Variants in ASPM observed in about 807,000 individuals in gnomAD.
The protein encoded by ASPM is assembly factor for spindle microtubules.
Under a neutral mutation model 366.4 loss-of-function variants are expected in ASPM, and 256 were observed. The observed-to-expected ratio is 0.70, with a 90% CI of 0.63 to 0.77. The LOEUF (loss-of-function observed/expected upper bound fraction) is 0.77, where lower values mean the gene tolerates loss of function less well. Among genes scored for constraint, ASPM ranks in the 30% least tolerant of loss-of-function variants. The pLI, the probability that ASPM is intolerant of heterozygous loss-of-function variation, is 0.00. For missense variants in ASPM, 4,146 were observed against 4,090.4 expected, an observed-to-expected ratio of 1.01 and a Z score of -0.37; for synonymous variants, 1,414 against 1,342.9, an observed-to-expected ratio of 1.05 and a Z score of -1.16.
rs375539706 is a variant in ASPM, at chr1:197,144,468, T to C, written c.298-368A>G. Among the ~76,000 whole-genome samples, 8 of 152,350 alleles carry C rather than the reference T, an allele frequency of 5.3e-5. No individual in the cohort carries two copies. In the South Asian group the frequency reaches 6.2e-4, roughly 12 times the overall value. On this transcript the variant is annotated intron_variant, in intron 1 of 27. Coordinates refer to ENST00000367409, the MANE Select transcript of ASPM (RefSeq NM_018136.5). ...CAAGGACCCTGCATTATGAAGACTTTATTTAAAAAGAAATGTAAAGATGAT... is the reference window on the plus strand; with the variant it reads ...CAAGGACCCTGCATTATGAAGACTTCATTTAAAAAGAAATGTAAAGATGAT...
rs1349742074 is a variant in ASPM at position 197,101,928 on chromosome 1, A to G, written c.7323T>C (p.Tyr2441=). The G allele has an allele frequency of 1.9e-6, 3 of 1,612,624 alleles. No individual in the cohort carries two copies. Among genetic ancestry groups the G allele is most frequent in the Admixed American group, 1.7e-5 (1 of 59,780 alleles). Residue 2441 remains tyrosine (Y), a synonymous_variant, in exon 18 of 28, where the codon TAT becomes TAC. Coordinates refer to ENST00000367409, the MANE Select transcript of ASPM (RefSeq NM_018136.5). ...TATGTTTGGCACAAATGGTGGCTCG[A>G]TATTTCCTCTGAACAAAAATAGTAG... ...KKATIFVQRK[Y]RATICAKHKL...
In ASPM at chr1:197,101,017, A is replaced by G; in HGVS notation, c.8234T>C (p.Ile2745Thr). 1 of 1,612,378 alleles carries G rather than the reference A, an allele frequency of 6.2e-7. No homozygotes were observed. The change falls in exon 18 of 28, where the codon ATT becomes ACT. Residue 2745 changes from isoleucine (I) to threonine (T), a missense_variant. By Grantham distance (89) the Ile-to-Thr change is moderately conservative. Coordinates refer to ENST00000367409, the MANE Select transcript of ASPM (RefSeq NM_018136.5). ...TTTCATGCCTCTAAAAGCAGCCTGA[A>G]TAGTTCGTACAGATTTCTGAACTGC... is the stretch of plus-strand genomic sequence containing the variant. ...FLAVQKSVRT[I>T]QAAFRGMKVR...
At chr1:197,110,337 A>C (rs1447389997) in intron 17 of ASPM, among the ~76,000 whole-genome samples, 1 of 152,092 alleles carries the variant, frequency 6.6e-6, no homozygotes, top group Non-Finnish European at 1.5e-5. Context: ...TTTTACAGCA[A>C]ATAGTGTTGG....
intron 17 of ASPM, among the ~76,000 whole-genome samples, chr1:197,112,189 T>C (rs1657606686): frequency 6.6e-6 from 1 of 152,134 alleles, no homozygotes; most frequent in African/African-American, 2.4e-5. Flanking sequence ...CAAGAAAGAA[T>C]GAAATCACGT....
In ASPM at chr1:197,103,832, A is replaced by T; in HGVS notation, c.5419T>A (p.Cys1807Ser). Residue 1807 changes from cysteine (C) to serine (S), a missense_variant, in exon 18 of 28, where the codon TGC (cysteine) becomes AGC (serine). This residue lies in a region of ASPM where 3,624 missense variants were observed against 3,591.7 expected (regional missense o/e 1.01). Coordinates refer to ENST00000367409, the MANE Select transcript of ASPM (RefSeq NM_018136.5). ...TAACCTCTGTAAGCTGCTTGCAAGC[A>T]AGTAGCTGCTTTTTTGACTTGCAAG... is the stretch of plus-strand genomic sequence containing the variant. ...NFLQVKKAATCLQAAYRGYKV... is the reference protein window; with the variant it reads ...NFLQVKKAATSLQAAYRGYKV... 6.2e-7 allele frequency: 1 copy of T among 1,613,012 alleles called. No homozygotes were observed. The highest frequency in any genetic ancestry group is 2.2e-5 in the East Asian group (1 of 44,830).
rs762304663 is a variant in ASPM, at chr1:197,143,185, G to A, written c.1067C>T (p.Thr356Ile). Residue 356 changes from threonine to isoleucine, a missense_variant, in exon 3 of 28, where the codon ACA becomes ATA. By Grantham distance (89) the Thr-to-Ile change is moderately conservative. This residue lies in a region of ASPM where 512 missense variants were observed against 471.7 expected (regional missense o/e 1.09). Transcript: ENST00000367409. Reference protein sequence around the residue: ...DNSQPVHLESTIAHEIYQKIL... With the variant: ...DNSQPVHLESIIAHEIYQKIL... ...TTTCTGATAAATTTCATGTGCAATT[G>A]TTGATTCCAAATGCACAGGCTGTGA... is the stretch of plus-strand genomic sequence containing the variant. 6.2e-7 allele frequency: 1 copy of A among 1,613,552 alleles called. No homozygotes were observed. The highest frequency in any genetic ancestry group is 8.5e-7 in the Non-Finnish European group (1 of 1,179,674).
At chr1:197,136,851 GAAAC>G (rs1658433903) in intron 4 of ASPM, among the ~76,000 whole-genome samples, 2 of 152,120 alleles carry the variant, frequency 1.3e-5, no homozygotes, top group South Asian at 4.1e-4. Context: ...AGTTATATGG[GAAAC>G]AAACACTAAT....
In ASPM at chr1:197,103,278, T is replaced by C; in HGVS notation, c.5973A>G (p.Lys1991=). The C allele has an allele frequency of 1.2e-6, 2 of 1,613,100 alleles. No homozygotes were observed. Among genetic ancestry groups the C allele is most frequent in the Non-Finnish European group, 1.7e-6 (2 of 1,179,466 alleles). ...YRMHVQQKKW[K]IMKKAALLIQ... is the part of the protein sequence containing the mutation. ...TCAGAAGAGCAGCTTTTTTCATGAT[T>C]TTCCACTTCTTTTGTTGCACATGCA... is the stretch of plus-strand genomic sequence containing the variant. Residue 1991 remains lysine, a synonymous_variant, in exon 18 of 28, where the codon AAA becomes AAG. Transcript: ENST00000367409.
chr1:197,104,722 C>T lies in ASPM; in HGVS notation c.4529G>A (p.Arg1510Lys), dbSNP rs2125096578. 1 of 1,609,930 alleles carries T rather than the reference C, an allele frequency of 6.2e-7. No homozygotes were observed. The highest frequency in any genetic ancestry group is 8.5e-7 in the Non-Finnish European group (1 of 1,178,480). The change falls in exon 18 of 28, where the codon AGA becomes AAA. Residue 1510 changes from arginine (R) to lysine (K), a missense_variant. Physicochemically the swap from Arg to Lys is conservative, Grantham distance 26. Transcript: ENST00000367409. ...CTGGATGGTTAGTATGGACTCTTTT[C>T]TTCTTTTATATAACTTTTGGGCTTG... ...CFQAQKLYKR[R>K]KESILTIQKY...
intron 18 of ASPM, among the ~76,000 whole-genome samples, chr1:197,096,944 T>C (rs3891964): frequency 0.76 from 115,655 of 151,682 alleles, 48,382 homozygotes; most frequent in East Asian, 0.98. Flanking sequence ...CTTGTTAGCA[T>C]ATAGCTGTTA....
rs373818179 is a variant in ASPM, at chr1:197,102,416, T to C, written c.6835A>G (p.Arg2279Gly). 13 of 1,612,616 alleles carry C rather than the reference T, an allele frequency of 8.1e-6. No homozygotes were observed. Among genetic ancestry groups the C allele is most frequent in the Non-Finnish European group, 1.1e-5 (13 of 1,179,280 alleles). The change falls in exon 18 of 28, where the codon AGA becomes GGA. Residue 2279 changes from arginine to glycine, a missense_variant. Physicochemically the swap from Arg to Gly is moderately radical, Grantham distance 125 (BLOSUM62 -2). This residue lies in a region of ASPM where 3,624 missense variants were observed against 3,591.7 expected (regional missense o/e 1.01). Coordinates refer to ENST00000367409, the MANE Select transcript of ASPM (RefSeq NM_018136.5). ...IQRRFRTLMM[R>G]RRFLSLKKTA... ...TTCTTGAGAGAGAGGAATCTTCTTC[T>C]CATCATTAGAGTTCTAAATCTCCTC...
In ASPM at chr1:197,121,994, C is replaced by A; in HGVS notation, c.3791G>T (p.Arg1264Leu). ...SFLCARLLDL[R>L]KEIRAARLIQ... ...GAGTCGAGCAGCTCTTATTTCTTTA[C>A]GAAGATCCAAAAGCCTTGCACAAAG... The change falls in exon 16 of 28, where the codon CGT (arginine) becomes CTT (leucine). Residue 1264 changes from arginine (R) to leucine (L), a missense_variant. Arg to Leu is a moderately radical substitution (Grantham distance 102). Transcript: ENST00000367409. 6.2e-7 allele frequency: 1 copy of A among 1,611,622 alleles called. No homozygotes were observed. The highest frequency in any genetic ancestry group is 8.5e-7 in the Non-Finnish European group (1 of 1,178,334).
chr1:197,105,234 T>C (rs755496876), intron 17 of ASPM, 49 bp from the exon 18 acceptor site: 20 of 1,387,280 alleles, frequency 1.4e-5, no homozygotes, highest in Non-Finnish European at 1.8e-5. Context: ...TAGCTTTCTA[T>C]ATTTAACACT....
chr1:197,102,300 T>G lies in ASPM; in HGVS notation c.6951A>C (p.Lys2317Asn). The change falls in exon 18 of 28, where the codon AAA (lysine) becomes AAC (asparagine). Residue 2317 changes from lysine (K) to asparagine (N), a missense_variant. Physicochemically the swap from Lys to Asn is moderately conservative, Grantham distance 94. Around this residue, in one of 3 missense-constraint regions of ASPM, gnomAD observed 3,624 missense variants for 3,591.7 expected, o/e 1.01. Coordinates refer to ENST00000367409, the MANE Select transcript of ASPM (RefSeq NM_018136.5). ...QFLQVQNAVI[K>N]IQSSYRRWMI... ...TCCATCTTCTGTATGATGACTGGAT[T>G]TTAATAACTGCATTTTGTACCTGAA... 1 of 1,612,758 alleles carries G rather than the reference T, an allele frequency of 6.2e-7. No individual in the cohort carries two copies.
chr1:197,109,612 T>C (rs1439464134), intron 17 of ASPM, among the ~76,000 whole-genome samples: 1 of 151,770 alleles, frequency 6.6e-6, no homozygotes, highest in African/African-American at 2.4e-5. Flanking sequence ...TCTTAGCCAA[T>C]AAAATAAGTG....
Position 197,122,318 on chromosome 1 carries a change from A to C in ASPM, c.3599-17T>G. On this transcript the variant is annotated splice_polypyrimidine_tract_variant and intron_variant, in intron 14 of 27. Coordinates refer to ENST00000367409, the MANE Select transcript of ASPM (RefSeq NM_018136.5). ...AAGTATTTTCTATTATGCAGGAGGA[A>C]AGGAGAAATTAGCCGTAGCTTCAAA... The C allele has an allele frequency of 1.2e-6, 2 of 1,613,742 alleles. No homozygotes were observed. The highest frequency in any genetic ancestry group is 8.5e-7 in the Non-Finnish European group (1 of 1,179,716).
rs562043376 is a variant in ASPM, at chr1:197,101,027, C to G, written c.8224G>C (p.Val2742Leu). Residue 2742 changes from valine (V) to leucine (L), a missense_variant, in exon 18 of 28, where the codon GTA (valine) becomes CTA (leucine). Coordinates refer to ENST00000367409, the MANE Select transcript of ASPM (RefSeq NM_018136.5). ...RKNFLAVQKS[V>L]RTIQAAFRGM... ...CTAAAAGCAGCCTGAATAGTTCGTA[C>G]AGATTTCTGAACTGCTAAAAAGTTT... 1.2e-6 allele frequency: 2 copies of G among 1,612,094 alleles called. No homozygotes were observed. Among genetic ancestry groups the G allele is most frequent in the African/African-American group, 1.3e-5 (1 of 74,772 alleles).
intron 1 of ASPM, 56 bp from the exon 2 acceptor site, chr1:197,144,156 A>G: frequency 8.0e-7 from 1 of 1,242,778 alleles, no homozygotes; most frequent in Non-Finnish European, 1.2e-6. Flanking sequence ...AATAACCAAA[A>G]CACCTTATAT....
intron 16 of ASPM, 142 bp from the exon 17 acceptor site, chr1:197,118,125 G>C: frequency 1.2e-6 from 1 of 804,946 alleles, no homozygotes; most frequent in Non-Finnish European, 2.0e-6. Flanking sequence ...TTCATCTTTG[G>C]AATACTGATA....
Sources: allele counts gnomAD v4.1 joint callset (sites outside exome capture counted in the v4.1 genomes callset), GRCh38; gene constraint gnomAD v4.1.1; regional missense constraint gnomAD v4.1.1; transcripts MANE v1.5; gene names NCBI Gene and HGNC (gene_info 2026-07-23, HGNC 2026-07-21).